The following PLXND1 variants were observed in gnomAD, a reference collection of about 807,000 sequenced individuals.
The protein encoded by PLXND1 is plexin D1, also known as plexin-D1.
In PLXND1, 54 loss-of-function variants were observed where a neutral mutation model predicts 197.7. The observed-to-expected ratio is 0.27, with a 90% CI of 0.22 to 0.34. The LOEUF (loss-of-function observed/expected upper bound fraction) is 0.34, where lower values mean the gene tolerates loss of function less well. Among genes scored for constraint, PLXND1 ranks in the 10% least tolerant of loss-of-function variants. The pLI is 1.00. For missense variants in PLXND1, 2,127 were observed against 2,699.2 expected, an observed-to-expected ratio of 0.79 and a Z score of 4.70; for synonymous variants, 1,180 against 1,161.2, an observed-to-expected ratio of 1.02 and a Z score of -0.33.
intron 1 of PLXND1, among the ~76,000 whole-genome samples, chr3:129,597,691 C>G (rs1487790456): frequency 6.6e-6 from 1 of 152,236 alleles, no homozygotes; most frequent in African/African-American, 2.4e-5. Flanking sequence ...GAGTATCAGC[C>G]GAGCAGGGTG....
At chr3:129,597,248 CCCACCCGCCGCTCT>C (rs1332920930) in intron 1 of PLXND1, among the ~76,000 whole-genome samples, 1 of 152,054 alleles carries the variant, frequency 6.6e-6, no homozygotes, top group East Asian at 1.9e-4. Flanking sequence ...CCACAGCCTC[CCCACCCGCCGCTCT>C]GCTGGGAGCC....
At chr3:129,563,263 G>A in intron 25 of PLXND1, 23 bp from the exon 26 acceptor site, 1 of 1,589,414 alleles carries the variant, frequency 6.3e-7, no homozygotes, top group Non-Finnish European at 8.6e-7. Flanking sequence ...GGGGTATCAG[G>A]GCCAAGGCCC....
At chr3:129,565,597 G>T in intron 24 of PLXND1, 59 bp from the exon 25 acceptor site, 1 of 1,441,076 alleles carries the variant, frequency 6.9e-7, no homozygotes, top group Non-Finnish European at 9.6e-7. Flanking sequence ...GTGGGTCCCA[G>T]GGTCTCAGTG....
intron 8 of PLXND1, 39 bp downstream of exon 8, chr3:129,583,528 G>T: frequency 7.8e-7 from 1 of 1,275,958 alleles, no homozygotes; most frequent in Non-Finnish European, 1.1e-6. Context: ...AAAAGGTAAT[G>T]AAACAGCAGA....
At chr3:129,604,941 G>A (rs2085761571) in intron 1 of PLXND1, among the ~76,000 whole-genome samples, 2 of 152,218 alleles carry the variant, frequency 1.3e-5, no homozygotes, top group Admixed American at 6.5e-5. Flanking sequence ...CTCACGCAGT[G>A]GCCCCAGAAC....
Position 129,595,189 on chromosome 3 carries a change from T to G in PLXND1, c.1312-5662A>C, listed in dbSNP as rs72991645. On this transcript the variant is annotated intron_variant, in intron 1 of 35. Coordinates refer to ENST00000324093, the MANE Select transcript of PLXND1 (RefSeq NM_015103.3). ...AGCCGCACACAGCCAGGCCAGGGTA[T>G]GAAGCCACACCTGTGACTCCCAGAC... Among the ~76,000 whole-genome samples the G allele has an allele frequency of 5.6e-3, 853 of 152,300 alleles. 9 individuals are homozygous for G. Among genetic ancestry groups the G allele is most frequent in the African/African-American group, 0.019 (786 of 41,564 alleles).
intron 11 of PLXND1, 106 bp from the exon 12 acceptor site, chr3:129,574,596 T>C: frequency 4.4e-6 from 5 of 1,147,696 alleles, no homozygotes; most frequent in Middle Eastern, 2.0e-4. Context: ...CGCCCCATCA[T>C]TGTGGTGCCC....
chr3:129,590,455 G>A (rs2085523661), intron 1 of PLXND1, among the ~76,000 whole-genome samples: 1 of 152,136 alleles, frequency 6.6e-6, no homozygotes, highest in Non-Finnish European at 1.5e-5. Context: ...AAAGACGCAG[G>A]CACAAGGGTG....
intron 2 of PLXND1, among the ~76,000 whole-genome samples, chr3:129,588,967 C>T (rs2085498468): frequency 6.6e-6 from 1 of 152,218 alleles, no homozygotes; most frequent in Admixed American, 6.5e-5. Context: ...AGCCCCACAA[C>T]AGCTTACAGC....
At chr3:129,575,076 A>G (rs1400927848) in intron 11 of PLXND1, among the ~76,000 whole-genome samples, 2 of 152,168 alleles carry the variant, frequency 1.3e-5, no homozygotes, top group Non-Finnish European at 2.9e-5. Flanking sequence ...CCCCATGAAC[A>G]GAGGAGCCCC....
chr3:129,575,591 G>T, intron 10 of PLXND1, 29 bp from the exon 11 acceptor site: 2 of 1,503,548 alleles, frequency 1.3e-6, no homozygotes, highest in Non-Finnish European at 9.1e-7. Flanking sequence ...GAGCATAGGG[G>T]GCATGGGCAA....
chr3:129,580,716 G>C (rs1366110390), intron 8 of PLXND1, among the ~76,000 whole-genome samples: 1 of 151,908 alleles, frequency 6.6e-6, no homozygotes, highest in Non-Finnish European at 1.5e-5. Flanking sequence ...GAGTCCTCGT[G>C]GCTCTCACAG....
At chr3:129,589,902 C>A (rs2085513880) in intron 1 of PLXND1, among the ~76,000 whole-genome samples, 1 of 152,176 alleles carries the variant, frequency 6.6e-6, no homozygotes, top group Non-Finnish European at 1.5e-5. Context: ...GCAGAGGAGT[C>A]CACACCAGAT....
chr3:129,576,699 T>C (rs1368038159), intron 9 of PLXND1, among the ~76,000 whole-genome samples: 1 of 152,320 alleles, frequency 6.6e-6, no homozygotes, highest in Non-Finnish European at 1.5e-5. Context: ...TGACCCCTTC[T>C]CTGAGGCTTG....
At chr3:129,594,536 G>T (rs963250602) in intron 1 of PLXND1, among the ~76,000 whole-genome samples, 1 of 152,144 alleles carries the variant, frequency 6.6e-6, no homozygotes, top group Non-Finnish European at 1.5e-5. Context: ...ATCCTGGCCG[G>T]GGACTGGGCT....
chr3:129,571,126 A>G lies in PLXND1; in HGVS notation c.3514T>C (p.Tyr1172His). Reference protein sequence around the residue: ...AQRGSRFRLDYLPNPQFSTAK... With the variant: ...AQRGSRFRLDHLPNPQFSTAK... ...GTAGAGAACTGTGGGTTGGGGAGGT[A>G]GTCCAGGCGGAACCTGCTGCCCCGC... Residue 1172 changes from tyrosine (Y) to histidine (H), a missense_variant, in exon 18 of 36, where the codon TAC becomes CAC. Around this residue, in one of 6 missense-constraint regions of PLXND1, gnomAD observed 532 missense variants for 811.0 expected, o/e 0.66. Coordinates refer to ENST00000324093, the MANE Select transcript of PLXND1 (RefSeq NM_015103.3). The G allele has an allele frequency of 6.2e-7, 1 of 1,614,202 alleles. No individual in the cohort carries two copies. Among genetic ancestry groups the G allele is most frequent in the East Asian group, 2.2e-5 (1 of 44,888 alleles).
chr3:129,561,776 TGGG>T, intron 28 of PLXND1, 21 bp downstream of exon 28: 1 of 516,488 alleles, frequency 1.9e-6, no homozygotes, highest in Non-Finnish European at 2.7e-6. Flanking sequence ...GGTGGGGAAA[TGGG>T]GGCGGGGGGC....
intron 9 of PLXND1, 107 bp downstream of exon 9, chr3:129,578,222 A>C (rs1479845351): frequency 1.4e-6 from 1 of 736,064 alleles, no homozygotes; most frequent in Non-Finnish European, 2.5e-6. Context: ...AAAGCACTGC[A>C]GTGGGCCCAG....
intron 8 of PLXND1, 163 bp from the exon 9 acceptor site, chr3:129,578,596 C>T (rs780360011): frequency 1.8e-4 from 106 of 589,778 alleles, no homozygotes; most frequent in Non-Finnish European, 2.8e-4. Flanking sequence ...GCCTCCCACT[C>T]GCCACCACCC....
Sources: gnomAD v4.1 joint callset for allele counts (sites outside exome capture counted in the v4.1 genomes callset) on GRCh38, gnomAD v4.1.1 for gene constraint, gnomAD v4.1.1 regional missense constraint, MANE v1.5 for transcripts, NCBI Gene and HGNC (gene_info 2026-07-23, HGNC 2026-07-21) for gene names.